Variants in MAGI2 observed in about 807,000 individuals in gnomAD.
MAGI2 encodes membrane-associated guanylate kinase, WW and PDZ domain-containing protein 2.
In MAGI2, 35 loss-of-function variants were observed where a neutral mutation model predicts 133.3. The observed-to-expected ratio is 0.26, with a 90% CI of 0.20 to 0.35. The LOEUF (loss-of-function observed/expected upper bound fraction) is 0.35, where lower values mean the gene tolerates loss of function less well. Among genes scored for constraint, MAGI2 ranks in the 10% least tolerant of loss-of-function variants. The probability of loss-of-function intolerance (pLI) is 1.00; values close to 1 mark genes in which losing one functional copy is unlikely to be tolerated. For synonymous variants in MAGI2, 729 were observed against 710.6 expected (o/e 1.03, Z -0.41); for missense variants, 1,636 against 1,863.4 (o/e 0.88, Z 2.25).
chr7:79,137,578 G>A (rs568287200), intron 1 of MAGI2, among the ~76,000 whole-genome samples: 5 of 151,098 alleles, frequency 3.3e-5, no homozygotes, highest in South Asian at 2.1e-4. Flanking sequence ...TCAGCCTCCC[G>A]TGCAGCTGGG....
In MAGI2 at chr7:79,305,455, G is replaced by A. The variant is rs778307202; in HGVS notation, c.301+147565C>T. 2.9e-4 allele frequency among the ~76,000 whole-genome samples: 44 copies of A among 152,244 alleles called. 1 individual carries two copies. The highest frequency in any genetic ancestry group is 6.2e-4 in the South Asian group (3 of 4,818). On this transcript the variant is annotated intron_variant, in intron 1 of 21. Coordinates refer to ENST00000354212, the MANE Select transcript of MAGI2 (RefSeq NM_012301.4). Reference sequence around the variant, plus strand: ...AAGATCCCAAAGGGAGAACATTGACGTATTAATACCTCATTCTTTCACAAT... The same window carrying A: ...AAGATCCCAAAGGGAGAACATTGACATATTAATACCTCATTCTTTCACAAT...
chr7:78,524,003 G>A (rs762675617), intron 3 of MAGI2, among the ~76,000 whole-genome samples: 13 of 151,770 alleles, frequency 8.6e-5, no homozygotes, highest in Non-Finnish European at 1.3e-4. Flanking sequence ...GCCTCCATGA[G>A]AATGGGCTCC....
At chr7:78,031,950 C>T (rs955909427) in intron 21 of MAGI2, among the ~76,000 whole-genome samples, 1 of 150,492 alleles carries the variant, frequency 6.6e-6, no homozygotes, top group Non-Finnish European at 1.5e-5. Flanking sequence ...ACTAAGGCCT[C>T]ATAAGTGATG....
At chr7:78,938,399 G>A (rs1480821195) in intron 2 of MAGI2, among the ~76,000 whole-genome samples, 3 of 151,992 alleles carry the variant, frequency 2.0e-5, no homozygotes, top group Non-Finnish European at 2.9e-5. Context: ...AAAAAATTAG[G>A]ATTCAGAATT....
chr7:79,116,821 C>A (rs551551837), intron 1 of MAGI2, among the ~76,000 whole-genome samples: 1 of 152,130 alleles, frequency 6.6e-6, no homozygotes, highest in Non-Finnish European at 1.5e-5. Context: ...CCCCTGTCAC[C>A]ATATGATACA....
At chr7:78,509,764 CAAG>C (rs1452816489) in intron 4 of MAGI2, among the ~76,000 whole-genome samples, 1 of 152,142 alleles carries the variant, frequency 6.6e-6, no homozygotes, top group African/African-American at 2.4e-5. Context: ...AAAACCATCT[CAAG>C]AAGAAGAATA....
At chr7:78,689,565 T>G (rs1286929712) in intron 2 of MAGI2, among the ~76,000 whole-genome samples, 1 of 152,108 alleles carries the variant, frequency 6.6e-6, no homozygotes, top group Non-Finnish European at 1.5e-5. Flanking sequence ...TCTCTCTGTC[T>G]CGCCCACATG....
intron 2 of MAGI2, among the ~76,000 whole-genome samples, chr7:78,673,273 T>C (rs1814606660): frequency 6.6e-6 from 1 of 151,990 alleles, no homozygotes; most frequent in South Asian, 2.1e-4. Context: ...AATATATGTG[T>C]GTGTATATTC....
intron 2 of MAGI2, among the ~76,000 whole-genome samples, chr7:78,910,275 T>TC (rs1173003820): frequency 6.9e-6 from 1 of 144,252 alleles, no homozygotes; most frequent in Non-Finnish European, 1.5e-5. Context: ...TTTTTTTTTT[T>TC]TTTTTTAAAG....
At chr7:78,660,631 G>A (rs1585002205) in intron 2 of MAGI2, among the ~76,000 whole-genome samples, 2 of 152,040 alleles carry the variant, frequency 1.3e-5, no homozygotes, top group East Asian at 3.9e-4. Flanking sequence ...ATGACATATT[G>A]GTGGCATTTT....
chr7:79,419,745 T>G (rs1846805080), intron 1 of MAGI2, among the ~76,000 whole-genome samples: 1 of 152,072 alleles, frequency 6.6e-6, no homozygotes, highest in Non-Finnish European at 1.5e-5. Context: ...AAAATTTATC[T>G]AATGTTATAA....
At chr7:79,109,822 C>T (rs1818764317) in intron 1 of MAGI2, among the ~76,000 whole-genome samples, 1 of 151,778 alleles carries the variant, frequency 6.6e-6, no homozygotes, top group Non-Finnish European at 1.5e-5. Flanking sequence ...CTTTTCCATA[C>T]ATCCTCTGAA....
At chr7:79,059,206 T>G (rs990154681) in intron 1 of MAGI2, among the ~76,000 whole-genome samples, 15 of 152,082 alleles carry the variant, frequency 9.9e-5, no homozygotes, top group Admixed American at 6.6e-5. Flanking sequence ...CTGTGATTTT[T>G]TTTGTAGCAC....
intron 8 of MAGI2, 130 bp downstream of exon 8, chr7:78,345,792 G>T: frequency 7.7e-7 from 1 of 1,298,804 alleles, no homozygotes; most frequent in Non-Finnish European, 1.1e-6. Context: ...TCCAGCTAAA[G>T]CTAATAGGAA....
intron 2 of MAGI2, among the ~76,000 whole-genome samples, chr7:78,653,775 T>TAAAAA: frequency 7.0e-6 from 1 of 142,902 alleles, no homozygotes; most frequent in African/African-American, 2.6e-5. Flanking sequence ...TGAAGTATGA[T>TAAAAA]AAAAAAAAAA....
intron 7 of MAGI2, among the ~76,000 whole-genome samples, chr7:78,351,573 ATGAACCTAG>A (rs1203419635): frequency 1.3e-5 from 2 of 152,022 alleles, no homozygotes; most frequent in African/African-American, 4.8e-5. Flanking sequence ...GGCTTCCTGA[ATGAACCTAG>A]TGTGGATTTC....
intron 2 of MAGI2, among the ~76,000 whole-genome samples, chr7:78,981,262 G>T (rs560025064): frequency 5.9e-5 from 9 of 151,562 alleles, no homozygotes; most frequent in Admixed American, 1.3e-4. Context: ...ATTCCTAGTA[G>T]ATTATAACTG....
intron 16 of MAGI2, among the ~76,000 whole-genome samples, chr7:78,140,946 G>A (rs558278017): frequency 3.7e-4 from 56 of 152,258 alleles, no homozygotes; most frequent in African/African-American, 1.2e-3. Flanking sequence ...CAAATATAAC[G>A]TGCAGCAAAA....
intron 1 of MAGI2, among the ~76,000 whole-genome samples, chr7:79,223,984 G>A (rs1585246081): frequency 2.6e-5 from 4 of 152,102 alleles, no homozygotes; most frequent in South Asian, 4.1e-4. Flanking sequence ...ATCATTGGGA[G>A]TGGGCTATTT....
Sources: gnomAD v4.1 joint callset for allele counts (sites outside exome capture counted in the v4.1 genomes callset) on GRCh38, gnomAD v4.1.1 for gene constraint, MANE v1.5 for transcripts, NCBI Gene and HGNC (gene_info 2026-07-23, HGNC 2026-07-21) for gene names.